Variants in TENM3 observed in about 807,000 individuals in gnomAD.
The protein encoded by TENM3 is teneurin-3.
Under a neutral mutation model 255.1 loss-of-function variants are expected in TENM3, and 63 were observed. That is an observed-to-expected ratio of 0.25 (90% CI 0.20 to 0.30). The LOEUF is 0.30. Ranked by LOEUF, TENM3 falls within the 10% of genes least tolerant of loss-of-function variation. TENM3 has a pLI of 1.00. For missense variants in TENM3, 2,929 were observed against 3,461.1 expected, an observed-to-expected ratio of 0.85 and a Z score of 3.86; for synonymous variants, 1,306 against 1,322.3, an observed-to-expected ratio of 0.99 and a Z score of 0.27.
intron 3 of TENM3, among the ~76,000 whole-genome samples, chr4:182,375,049 C>T (rs1767085391): frequency 6.6e-6 from 1 of 152,148 alleles, no homozygotes; most frequent in Non-Finnish European, 1.5e-5. Context: ...CTTAGCCACT[C>T]TTTGCAGATC....
intron 1 of TENM3, among the ~76,000 whole-genome samples, chr4:182,292,359 G>A (rs780369563): frequency 2.3e-4 from 34 of 148,002 alleles, no homozygotes; most frequent in Non-Finnish European, 4.6e-4. Context: ...TCAAAAAAAT[G>A]AACAGTGCCT....
the TENM3 span, among the ~76,000 whole-genome samples, chr4:181,576,745 C>T: frequency 4.0e-5 from 6 of 151,220 alleles, no homozygotes; most frequent in East Asian, 3.9e-4. Context: ...TAAGTCTTAC[C>T]TATATCTCTT....
the TENM3 span, among the ~76,000 whole-genome samples, chr4:181,921,798 TC>T: frequency 6.6e-6 from 1 of 152,164 alleles, no homozygotes; most frequent in Non-Finnish European, 1.5e-5. Context: ...AGAGAGGGCA[TC>T]CCTGTCTTGT....
At chr4:182,760,871 G>A (rs767580662) in intron 22 of TENM3, among the ~76,000 whole-genome samples, 1 of 152,178 alleles carries the variant, frequency 6.6e-6, no homozygotes, top group African/African-American at 2.4e-5. Flanking sequence ...GAAGAGGAAA[G>A]ACAGGCAATG....
At position 182,802,899 on chromosome 4, in the gene TENM3, T is replaced by C; in HGVS notation, c.*2548T>C. Reference sequence around the variant, plus strand: ...AATGCTTTCATGATATTTTGAGATGTAAATTTTGTCTGATTTGTATTGTTC... The same window carrying C: ...AATGCTTTCATGATATTTTGAGATGCAAATTTTGTCTGATTTGTATTGTTC... On this transcript the variant is annotated 3_prime_UTR_variant, in exon 28 of 28. Transcript: ENST00000511685. The C allele has an allele frequency of 6.5e-6, 1 of 152,692 alleles. No individual in the cohort carries two copies. The highest frequency in any genetic ancestry group is 1.9e-4 in the East Asian group (1 of 5,202). 9.5% of individuals were successfully genotyped at this position (152,692 alleles called of 1,614,324 possible). A position where few individuals can be genotyped will look rare whatever the true frequency, so the allele number is the denominator to read the frequency against.
At chr4:181,588,117 G>A in the TENM3 span, among the ~76,000 whole-genome samples, 1 of 152,172 alleles carries the variant, frequency 6.6e-6, no homozygotes, top group Non-Finnish European at 1.5e-5. Context: ...GACATGCCAA[G>A]TTGCCCAGTG....
In TENM3 at chr4:182,496,852, A is replaced by G. The variant is rs148376846; in HGVS notation, c.512-104072A>G. ...GAGATTTCTATTATGCAAAAGAAGTAGCTAAAATGATTGATTTTGAGACTT... is the reference window on the plus strand; with the variant it reads ...GAGATTTCTATTATGCAAAAGAAGTGGCTAAAATGATTGATTTTGAGACTT... On this transcript the variant is annotated intron_variant, in intron 3 of 27. Coordinates refer to ENST00000511685, the MANE Select transcript of TENM3 (RefSeq NM_001080477.4). Among the ~76,000 whole-genome samples, 23 of 152,344 alleles carry G rather than the reference A, an allele frequency of 1.5e-4. No individual in the cohort carries two copies. The East Asian group carries it at 4.4e-3, about 29-fold the overall frequency.
At chr4:182,255,855 A>G (rs998640156) in intron 1 of TENM3, among the ~76,000 whole-genome samples, 19 of 152,206 alleles carry the variant, frequency 1.2e-4, no homozygotes, top group African/African-American at 4.6e-4. Flanking sequence ...CTGAAAAGTT[A>G]TATTCTAAAA....
At chr4:182,234,562 A>G (rs997963662) in intron 1 of TENM3, among the ~76,000 whole-genome samples, 2 of 152,076 alleles carry the variant, frequency 1.3e-5, no homozygotes, top group Non-Finnish European at 2.9e-5. Flanking sequence ...GTGAAACAAC[A>G]TCTCTACTAA....
At chr4:182,290,565 C>A (rs998913258) in intron 1 of TENM3, among the ~76,000 whole-genome samples, 1 of 151,694 alleles carries the variant, frequency 6.6e-6, no homozygotes, top group African/African-American at 2.4e-5. Flanking sequence ...TGCGGTGGCA[C>A]AATCTCTGCT....
chr4:182,709,380 A>G (rs1460604156), intron 12 of TENM3, among the ~76,000 whole-genome samples: 3 of 152,160 alleles, frequency 2.0e-5, no homozygotes, highest in Non-Finnish European at 4.4e-5. Flanking sequence ...TTCTTAGTAG[A>G]TTGAAGGAAT....
chr4:181,824,258 C>A, the TENM3 span, among the ~76,000 whole-genome samples: 1 of 138,422 alleles, frequency 7.2e-6, no homozygotes, highest in African/African-American at 2.8e-5. Flanking sequence ...TGCACCACCA[C>A]ACCTGGCTAA....
intron 3 of TENM3, among the ~76,000 whole-genome samples, chr4:182,518,769 A>G (rs948646501): frequency 4.6e-5 from 7 of 152,232 alleles, no homozygotes; most frequent in Non-Finnish European, 8.8e-5. Flanking sequence ...AAACTGTAAG[A>G]TCATAAATTT....
At chr4:181,987,357 G>C in the TENM3 span, among the ~76,000 whole-genome samples, 5 of 152,110 alleles carry the variant, frequency 3.3e-5, no homozygotes, top group Non-Finnish European at 4.4e-5. Flanking sequence ...GAGCCCCTGA[G>C]AGAGATAAAA....
chr4:181,843,265 A>C, the TENM3 span, among the ~76,000 whole-genome samples: 20 of 152,320 alleles, frequency 1.3e-4, no homozygotes, highest in Non-Finnish European at 2.1e-4. Context: ...TAAAAATGAA[A>C]GTAGAAAACA....
At chr4:181,767,980 G>A in the TENM3 span, among the ~76,000 whole-genome samples, 32 of 152,204 alleles carry the variant, frequency 2.1e-4, no homozygotes, top group African/African-American at 6.5e-4. Flanking sequence ...AATGCATATT[G>A]ACAAGTAATA....
the TENM3 span, among the ~76,000 whole-genome samples, chr4:181,649,929 C>T: frequency 5.3e-5 from 8 of 152,046 alleles, no homozygotes; most frequent in Non-Finnish European, 1.2e-4. Context: ...CGGAAGGAAG[C>T]GGTAGCTGAA....
chr4:182,277,626 G>A (rs1760095245), intron 1 of TENM3, among the ~76,000 whole-genome samples: 1 of 152,132 alleles, frequency 6.6e-6, no homozygotes, highest in Non-Finnish European at 1.5e-5. Flanking sequence ...CATCTCCTGG[G>A]AACAAGTGAA....
At chr4:182,135,778 C>A in the TENM3 span, among the ~76,000 whole-genome samples, 1 of 152,296 alleles carries the variant, frequency 6.6e-6, no homozygotes, top group African/African-American at 2.4e-5. Flanking sequence ...CAGTTTCTCC[C>A]AACCAACACA....
Sources: gnomAD v4.1 joint callset for allele counts (sites outside exome capture counted in the v4.1 genomes callset) on GRCh38, gnomAD v4.1.1 for gene constraint, MANE v1.5 for transcripts, NCBI Gene and HGNC (gene_info 2026-07-23, HGNC 2026-07-21) for gene names.